The following LGALS3 variants were observed in gnomAD, a reference collection of about 807,000 sequenced individuals.
The protein encoded by LGALS3 is galectin 3, also known as galectin-3.
LGALS3 carries 18 observed loss-of-function variants against 20.7 expected under a neutral mutation model. That is an observed-to-expected ratio of 0.87 (90% CI 0.60 to 1.29). The LOEUF is 1.29. LGALS3 is among the 50% of genes most tolerant of loss of function. The pLI, the probability that LGALS3 is intolerant of heterozygous loss-of-function variation, is 0.00. For missense variants in LGALS3, 315 were observed against 314.7 expected (o/e 1.00, Z -0.01); for synonymous variants, 112 against 119.6 (o/e 0.94, Z 0.42).
intron 5 of LGALS3, 121 bp downstream of exon 5, chr14:55,142,870 A>G (rs983106899): frequency 2.8e-6 from 2 of 709,068 alleles, no homozygotes; most frequent in African/African-American, 1.8e-5. Context: ...TAACCAGTTT[A>G]TCTTCTCCCT....
intron 1 of LGALS3, among the ~76,000 whole-genome samples, chr14:55,130,716 T>C (rs571001330): frequency 3.0e-5 from 4 of 131,310 alleles, no homozygotes; most frequent in African/African-American, 1.1e-4. Flanking sequence ...TGCGCCACCA[T>C]GCCCGGCTAA....
At chr14:55,137,941 T>C (rs1881462319) in intron 2 of LGALS3, 104 bp from the exon 3 acceptor site, 21 of 1,402,690 alleles carry the variant, frequency 1.5e-5, no homozygotes, top group Non-Finnish European at 1.9e-5. Context: ...TGTAATGCCT[T>C]TGCCATATTC....
intron 1 of LGALS3, among the ~76,000 whole-genome samples, chr14:55,135,560 G>GGTTTT (rs1555380241): frequency 1.7e-4 from 18 of 106,558 alleles, no homozygotes; most frequent in African/African-American, 6.3e-4. Flanking sequence ...ATATTTTATG[G>GGTTTT]TTTTTTTTTT....
intron 1 of LGALS3, among the ~76,000 whole-genome samples, chr14:55,130,905 A>C (rs1881215409): frequency 6.6e-6 from 1 of 152,208 alleles, no homozygotes; most frequent in African/African-American, 2.4e-5. Context: ...TCATACTAGG[A>C]AATTGTGTGT....
intron 1 of LGALS3, among the ~76,000 whole-genome samples, chr14:55,135,166 A>G (rs1320782210): frequency 6.6e-6 from 1 of 151,848 alleles, no homozygotes; most frequent in Admixed American, 6.6e-5. Context: ...AAAAAAAAAA[A>G]GATGTGCAAA....
intron 1 of LGALS3, among the ~76,000 whole-genome samples, chr14:55,132,805 G>A (rs550847286): frequency 3.3e-5 from 5 of 152,232 alleles, no homozygotes; most frequent in African/African-American, 1.2e-4. Flanking sequence ...CTAACCTCAT[G>A]ATCCTCCTGC....
intron 5 of LGALS3, chr14:55,143,426 C>CTTTTTTT: frequency 3.0e-6 from 1 of 328,372 alleles, no homozygotes; most frequent in South Asian, 2.3e-5. Flanking sequence ...CTTAATAGCA[C>CTTTTTTT]TTTTTTTTTT....
At position 55,145,233 on chromosome 14, in the gene LGALS3, G is replaced by C; in HGVS notation, c.715G>C (p.Asp239His). ...NEISKLGISG[D>H]IDLTSASYTM... is the part of the protein sequence containing the mutation. ...AATCAGCAAACTGGGAATTTCTGGT[G>C]ACATAGACCTCACCAGTGCTTCATA... is the stretch of plus-strand genomic sequence containing the variant. The change falls in exon 6 of 6, where the codon GAC becomes CAC. Residue 239 changes from aspartate to histidine, a missense_variant. By Grantham distance (81) the Asp-to-His change is moderately conservative. Coordinates refer to ENST00000254301, the MANE Select transcript of LGALS3 (RefSeq NM_002306.4). The C allele has an allele frequency of 6.2e-7, 1 of 1,613,518 alleles. No homozygotes were observed. Among genetic ancestry groups the C allele is most frequent in the East Asian group, 2.2e-5 (1 of 44,856 alleles).
chr14:55,137,971 T>C (rs1336102653), intron 2 of LGALS3, 74 bp from the exon 3 acceptor site: 1 of 1,457,588 alleles, frequency 6.9e-7, no homozygotes, highest in African/African-American at 1.4e-5. Context: ...TTAGATCACA[T>C]ATTCCTATTT....
At position 55,139,166 on chromosome 14, in the gene LGALS3, A is replaced by T. The variant is rs146268003; in HGVS notation, c.342+798A>T. 8.3e-3 allele frequency among the ~76,000 whole-genome samples: 1,265 copies of T among 152,226 alleles called. 9 individuals carry two copies. The highest frequency in any genetic ancestry group is 0.013 in the Non-Finnish European group (887 of 68,002). On this transcript the variant is annotated intron_variant, in intron 3 of 5. Coordinates refer to ENST00000254301, the MANE Select transcript of LGALS3 (RefSeq NM_002306.4). ...ATACCAGAGATGGTTAGTCAGTTGCAGAGAGAGGGAGACATGAAGGCTGTG... is the reference window on the plus strand; with the variant it reads ...ATACCAGAGATGGTTAGTCAGTTGCTGAGAGAGGGAGACATGAAGGCTGTG...
At position 55,138,208 on chromosome 14, in the gene LGALS3, G is replaced by C. The variant is rs1192851721; in HGVS notation, c.182G>C (p.Gly61Ala). The change falls in exon 3 of 6, where the codon GGC becomes GCC. Residue 61 changes from glycine to alanine, a missense_variant. Coordinates refer to ENST00000254301, the MANE Select transcript of LGALS3 (RefSeq NM_002306.4). ...GCTTATCCTGGACAGGCACCTCCAG[G>C]CGCCTACCCTGGAGCACCTGGAGCT... ...PGAYPGQAPPGAYPGAPGAYP... is the reference protein window; with the variant it reads ...PGAYPGQAPPAAYPGAPGAYP... 1.2e-6 allele frequency: 2 copies of C among 1,612,964 alleles called. No individual in the cohort carries two copies. Among genetic ancestry groups the C allele is most frequent in the Admixed American group, 3.3e-5 (2 of 59,990 alleles).
chr14:55,137,076 C>A (rs79834356), intron 1 of LGALS3: 1 of 511,244 alleles, frequency 2.0e-6, no homozygotes, highest in Non-Finnish European at 3.5e-6. Flanking sequence ...TGCTTATCTT[C>A]AAAAACCCAG....
intron 2 of LGALS3, 174 bp downstream of exon 2, chr14:55,137,565 TG>T: frequency 6.5e-7 from 1 of 1,534,586 alleles, no homozygotes; most frequent in Non-Finnish European, 8.7e-7. Flanking sequence ...GCAGCAGATT[TG>T]GGAAGAAAGC....
intron 1 of LGALS3, among the ~76,000 whole-genome samples, chr14:55,136,635 C>T (rs1881403522): frequency 6.6e-6 from 1 of 151,846 alleles, no homozygotes; most frequent in Admixed American, 6.6e-5. Context: ...AATGGGGTAT[C>T]CCTCTTCTCA....
At position 55,145,152 on chromosome 14, in the gene LGALS3, G is replaced by T; in HGVS notation, c.634G>T (p.Ala212Ser). 1.9e-6 allele frequency: 3 copies of T among 1,613,986 alleles called. No homozygotes were observed. The highest frequency in any genetic ancestry group is 2.5e-6 in the Non-Finnish European group (3 of 1,179,928). ...VLVEPDHFKV[A>S]VNDAHLLQYN... ...GGTTGAACCTGACCACTTCAAGGTT[G>T]CAGTGAATGATGCTCACTTGTTGCA... The change falls in exon 6 of 6, where the codon GCA becomes TCA. Residue 212 changes from alanine (A) to serine (S), a missense_variant. Coordinates refer to ENST00000254301, the MANE Select transcript of LGALS3 (RefSeq NM_002306.4).
intron 1 of LGALS3, chr14:55,137,116 G>T (rs943604173): frequency 2.1e-5 from 12 of 574,970 alleles, no homozygotes; most frequent in African/African-American, 1.9e-4. Flanking sequence ...AGTGGGGACA[G>T]AGGGCAGATG....
At chr14:55,133,143 G>A (rs527778886) in intron 1 of LGALS3, among the ~76,000 whole-genome samples, 1 of 152,268 alleles carries the variant, frequency 6.6e-6, no homozygotes, top group African/African-American at 2.4e-5. Flanking sequence ...ATTTCACAAT[G>A]AAGTAATTAA....
At chr14:55,140,406 G>T in intron 4 of LGALS3, 43 bp downstream of exon 4, 2 of 1,281,562 alleles carry the variant, frequency 1.6e-6, no homozygotes, top group Admixed American at 2.0e-5. Context: ...TTTGTAGATT[G>T]GTTTTTGAAT....
intron 4 of LGALS3, among the ~76,000 whole-genome samples, chr14:55,141,863 T>C (rs543600566): frequency 1.1e-4 from 16 of 152,342 alleles, no homozygotes; most frequent in Non-Finnish European, 4.4e-5. Flanking sequence ...TACTGATGAC[T>C]CTGGTGTTAC....
Sources: allele counts gnomAD v4.1 joint callset (sites outside exome capture counted in the v4.1 genomes callset), GRCh38; gene constraint gnomAD v4.1.1; transcripts MANE v1.5; gene names NCBI Gene and HGNC (gene_info 2026-07-23, HGNC 2026-07-21).